The following RHOBTB2 variants were observed in gnomAD, a reference collection of about 807,000 sequenced individuals.
The protein encoded by RHOBTB2 is Rho related BTB domain containing 2.
RHOBTB2 carries 39 observed loss-of-function variants against 66.5 expected under a neutral mutation model. That is an observed-to-expected ratio of 0.59 (90% CI 0.45 to 0.77). The LOEUF (loss-of-function observed/expected upper bound fraction) is 0.77. RHOBTB2 is among the 30% of genes least tolerant of loss of function. The pLI, the probability that RHOBTB2 is intolerant of heterozygous loss-of-function variation, is 0.00. For missense variants in RHOBTB2, 755 were observed against 999.1 expected, an observed-to-expected ratio of 0.76 and a Z score of 3.29; for synonymous variants, 390 against 395.0, an observed-to-expected ratio of 0.99 and a Z score of 0.15.
At chr8:22,966,283 G>A in the RHOBTB2 span, among the ~76,000 whole-genome samples, 1 of 152,044 alleles carries the variant, frequency 6.6e-6, no homozygotes, top group Non-Finnish European at 1.5e-5. Flanking sequence ...AACTCAGGAG[G>A]TGGAAGTTGC....
At chr8:23,005,225 G>A (rs1441234011) in intron 2 of RHOBTB2, 147 bp from the exon 3 acceptor site, 3 of 615,936 alleles carry the variant, frequency 4.9e-6, no homozygotes, top group Admixed American at 5.1e-5. Context: ...AGTTGTGCAG[G>A]GTGCACAGTG....
upstream of RHOBTB2, among the ~76,000 whole-genome samples, chr8:22,994,798 C>G (rs527834782): frequency 2.2e-4 from 34 of 152,376 alleles, no homozygotes; most frequent in Non-Finnish European, 4.1e-4. Context: ...GAGTCTCACT[C>G]TTCACCCACT....
At chr8:22,962,829 G>C in the RHOBTB2 span, among the ~76,000 whole-genome samples, 114 of 152,330 alleles carry the variant, frequency 7.5e-4, no homozygotes, top group African/African-American at 2.6e-3. Flanking sequence ...CCATAGGCTG[G>C]TTTCTGTAGC....
At chr8:23,012,967 C>T (rs1426102357) in intron 7 of RHOBTB2, among the ~76,000 whole-genome samples, 1 of 151,996 alleles carries the variant, frequency 6.6e-6, no homozygotes, top group Non-Finnish European at 1.5e-5. Flanking sequence ...CCACACCCAG[C>T]TAATTTTTGT....
chr8:22,997,169 G>A (rs956166741), upstream of RHOBTB2, among the ~76,000 whole-genome samples: 1 of 152,154 alleles, frequency 6.6e-6, no homozygotes, highest in Non-Finnish European at 1.5e-5. Flanking sequence ...GCCTAGGGTG[G>A]GACATGGATG....
intron 7 of RHOBTB2, among the ~76,000 whole-genome samples, chr8:23,014,086 CTG>C (rs1196091020): frequency 6.6e-6 from 1 of 152,146 alleles, no homozygotes; most frequent in East Asian, 1.9e-4. Flanking sequence ...ACTGGGATGA[CTG>C]TTGTTTCTAG....
At chr8:22,962,373 T>A in the RHOBTB2 span, among the ~76,000 whole-genome samples, 1 of 152,116 alleles carries the variant, frequency 6.6e-6, no homozygotes, top group Admixed American at 6.6e-5. Context: ...ACTGACGTAC[T>A]TTTCATTAAA....
intron 2 of RHOBTB2, among the ~76,000 whole-genome samples, chr8:22,993,993 C>G (rs1472681699): frequency 6.6e-6 from 1 of 152,240 alleles, no homozygotes; most frequent in East Asian, 1.9e-4. Context: ...AATACCTCCT[C>G]CTTCCATTCT....
rs752994990 is a variant in RHOBTB2, at chr8:23,017,411, C to T, written c.2126C>T (p.Ser709Phe). 2.5e-6 allele frequency: 4 copies of T among 1,613,490 alleles called. No homozygotes were observed. Among genetic ancestry groups the T allele is most frequent in the Non-Finnish European group, 3.4e-6 (4 of 1,179,716 alleles). ...RRWLFWNSPS[S>F]PSSSAASSSS... ...TGGCTCTTCTGGAACAGTCCATCCT[C>T]CCCGTCTTCCTCGGCAGCCTCCTCC... The change falls in exon 10 of 10, where the codon TCC (serine) becomes TTC (phenylalanine). Residue 709 changes from serine (S) to phenylalanine (F), a missense_variant. By Grantham distance (155) the Ser-to-Phe change is radical. Around this residue, in one of 7 missense-constraint regions of RHOBTB2, gnomAD observed 353 missense variants for 458.2 expected, o/e 0.77. Transcript: ENST00000251822. The surrounding 1 kb of genome is among the most constrained non-coding windows in gnomAD (Gnocchi z 5.3).
the RHOBTB2 span, among the ~76,000 whole-genome samples, chr8:22,967,599 G>A: frequency 0.014 from 868 of 60,928 alleles, 11 homozygotes; most frequent in Middle Eastern, 0.059. Context: ...GCAAAACTCT[G>A]TCTAAAAAAA....
chr8:23,012,880 T>C (rs946503695), intron 7 of RHOBTB2, among the ~76,000 whole-genome samples: 1 of 152,196 alleles, frequency 6.6e-6, no homozygotes, highest in Non-Finnish European at 1.5e-5. Context: ...CCTGGCTCAC[T>C]GCACCCTCTG....
At chr8:22,961,679 G>A in the RHOBTB2 span, among the ~76,000 whole-genome samples, 10 of 152,116 alleles carry the variant, frequency 6.6e-5, no homozygotes, top group Non-Finnish European at 1.5e-4. Context: ...AGGACTCCCT[G>A]TGTGTCCACA....
rs1019461931 is a variant in RHOBTB2, at chr8:23,004,770, G to A, written c.192+144G>A. On this transcript the variant is annotated intron_variant, in intron 2 of 9. Transcript: ENST00000251822. This position sits in a 1 kb window ranked among gnomAD's most constrained non-coding sequence, Gnocchi z 6.4. ...TGGGTTGGGGGCAGCTGAAGAGGAA[G>A]GAGCCCCTGGAGAGAGGTTTAAGCC... is the stretch of plus-strand genomic sequence containing the variant. 5.3e-6 allele frequency: 4 copies of A among 750,154 alleles called. No individual in the cohort carries two copies. Among genetic ancestry groups the A allele is most frequent in the Non-Finnish European group, 8.7e-6 (4 of 460,968 alleles). 46.5% of individuals were successfully genotyped at this position (750,154 alleles called of 1,614,324 possible).
chr8:23,013,531 T>A (rs780584655), intron 7 of RHOBTB2, among the ~76,000 whole-genome samples: 6 of 152,046 alleles, frequency 3.9e-5, no homozygotes, highest in Non-Finnish European at 5.9e-5. Context: ...GGAGTCTTAC[T>A]GTCACCTGGG....
chr8:22,979,781 CAG>C, the RHOBTB2 span, among the ~76,000 whole-genome samples: 1 of 109,688 alleles, frequency 9.1e-6, no homozygotes, highest in South Asian at 3.0e-4. Context: ...GACTCTGTGA[CAG>C]AGTCTCACTC....
the RHOBTB2 span, among the ~76,000 whole-genome samples, chr8:22,953,872 T>C: frequency 0.82 from 124,991 of 152,228 alleles, 51,745 homozygotes; most frequent in African/African-American, 0.92. Flanking sequence ...TGGTTTGTTT[T>C]CCTGGCCTGT....
chr8:22,972,413 A>G, the RHOBTB2 span, among the ~76,000 whole-genome samples: 1 of 152,220 alleles, frequency 6.6e-6, no homozygotes, highest in Non-Finnish European at 1.5e-5. Context: ...AAGTCAGCGC[A>G]TGGCCTTGCT....
At chr8:22,990,095 G>C (rs1810387961) in intron 1 of RHOBTB2, among the ~76,000 whole-genome samples, 1 of 152,186 alleles carries the variant, frequency 6.6e-6, no homozygotes, top group Non-Finnish European at 1.5e-5. Flanking sequence ...TAAGCTCCTT[G>C]ATGACATGAT....
At chr8:22,960,320 CCCTCT>C in the RHOBTB2 span, among the ~76,000 whole-genome samples, 6 of 118,682 alleles carry the variant, frequency 5.1e-5, no homozygotes, top group African/African-American at 7.8e-5. Flanking sequence ...CCCTCCCCTC[CCCTCT>C]CCTCTCCTTT....
Sources: gnomAD v4.1 joint callset for allele counts (sites outside exome capture counted in the v4.1 genomes callset) on GRCh38, gnomAD v4.1.1 for gene constraint, gnomAD v4.1.1 regional missense constraint, Gnocchi (gnomAD v3.1) non-coding constraint, MANE v1.5 for transcripts, NCBI Gene and HGNC (gene_info 2026-07-23, HGNC 2026-07-21) for gene names.